The following PHF20 variants were observed in gnomAD, a reference collection of about 807,000 sequenced individuals.
The protein encoded by PHF20 is glioma-expressed antigen 2.
A neutral mutation model predicts 113.5 loss-of-function variants in PHF20; 23 were observed. The ratio of observed to expected loss-of-function variants is 0.20; its 90% CI spans 0.15 to 0.29. The LOEUF is 0.29. Among genes scored for constraint, PHF20 ranks in the 10% least tolerant of loss-of-function variants. The pLI is 1.00. For synonymous variants in PHF20, 434 were observed against 457.3 expected (o/e 0.95, Z 0.65); for missense variants, 943 against 1,219.6 (o/e 0.77, Z 3.38).
intron 1 of PHF20, among the ~76,000 whole-genome samples, chr20:35,784,708 A>G (rs987245263): frequency 2.6e-5 from 4 of 152,048 alleles, no homozygotes; most frequent in African/African-American, 7.2e-5. Context: ...AAGTATTGGG[A>G]TTACAGGCAT....
At chr20:35,786,430 G>A (rs1381978133) in intron 1 of PHF20, among the ~76,000 whole-genome samples, 1 of 151,950 alleles carries the variant, frequency 6.6e-6, no homozygotes, top group African/African-American at 2.4e-5. Context: ...TAGGCTGTGA[G>A]CAGTGGCTCA....
Position 35,847,341 on chromosome 20 carries a change from G to GT in PHF20, c.256-3dup. ...AACAGGATCTTTTTTTTTTTTTTAT[G>GT]TTTTTTAGGAATTTCAAATAAATGA... is the stretch of plus-strand genomic sequence containing the variant. On this transcript the variant is annotated splice_polypyrimidine_tract_variant and intron_variant, in intron 3 of 17. Transcript: ENST00000374012. 1.3e-6 allele frequency: 2 copies of GT among 1,486,194 alleles called. No homozygotes were observed. Among genetic ancestry groups the GT allele is most frequent in the Non-Finnish European group, 1.8e-6 (2 of 1,092,016 alleles). The allele number at this position is 1,486,194 out of a possible 1,614,324, so 92.1% of individuals were successfully genotyped here.
chr20:35,915,114 G>A (rs956035590), intron 12 of PHF20, among the ~76,000 whole-genome samples: 2 of 148,678 alleles, frequency 1.3e-5, no homozygotes, highest in Non-Finnish European at 3.0e-5. Context: ...AACCTAATAT[G>A]GGCCCTGGAA....
At chr20:35,852,412 C>G (rs1464965581) in intron 4 of PHF20, among the ~76,000 whole-genome samples, 1 of 152,074 alleles carries the variant, frequency 6.6e-6, no homozygotes, top group African/African-American at 2.4e-5. Flanking sequence ...TGCCTTTGCT[C>G]TGGACTCTTT....
chr20:35,845,393 TC>T (rs2042605664), intron 3 of PHF20: 1 of 399,968 alleles, frequency 2.5e-6, no homozygotes, highest in African/African-American at 2.1e-5. Flanking sequence ...AGAGACGTTT[TC>T]TTGCTCTGTC....
At chr20:35,859,387 A>G (rs2054174917) in intron 5 of PHF20, among the ~76,000 whole-genome samples, 1 of 152,178 alleles carries the variant, frequency 6.6e-6, no homozygotes, top group African/African-American at 2.4e-5. Flanking sequence ...TCTTTTTAAA[A>G]ATCCTGATTA....
At chr20:35,927,457 C>G (rs1250836421) in intron 13 of PHF20, among the ~76,000 whole-genome samples, 1 of 152,230 alleles carries the variant, frequency 6.6e-6, no homozygotes, top group Non-Finnish European at 1.5e-5. Flanking sequence ...GAGAACTAAC[C>G]TGTGCAAAGT....
chr20:35,875,303 CAGG>C (rs2054500106), intron 9 of PHF20, among the ~76,000 whole-genome samples: 2 of 151,374 alleles, frequency 1.3e-5, no homozygotes, highest in African/African-American at 4.9e-5. Context: ...GAGATTGAGA[CAGG>C]AGAATTGCTT....
intron 15 of PHF20, among the ~76,000 whole-genome samples, chr20:35,938,143 A>G (rs1415641817): frequency 6.6e-6 from 1 of 152,028 alleles, no homozygotes; most frequent in Non-Finnish European, 1.5e-5. Flanking sequence ...AAGTGCTGGG[A>G]TTACAGGTGT....
intron 17 of PHF20, among the ~76,000 whole-genome samples, chr20:35,943,669 G>C (rs557166763): frequency 6.6e-6 from 1 of 152,118 alleles, no homozygotes; most frequent in South Asian, 2.1e-4. Context: ...TGCCCAGGCT[G>C]GAGTGCAGTG....
In PHF20 at chr20:35,931,358, G is replaced by A; in HGVS notation, c.2214G>A (p.Lys738=). Residue 738 remains lysine, a synonymous_variant, in exon 15 of 18, where the codon AAG becomes AAA. Transcript: ENST00000374012. The part of the protein sequence containing the change: ...EENYSHQNAK[K]IVATHQLLGD... ...ACTACTCCCATCAGAATGCCAAGAA[G>A]ATCGTGGCCACCCACCAGCTTCTTG... 1 of 1,614,116 alleles carries A rather than the reference G, an allele frequency of 6.2e-7. No individual in the cohort carries two copies. The highest frequency in any genetic ancestry group is 1.1e-5 in the South Asian group (1 of 91,084).
In PHF20 at chr20:35,899,594, G is replaced by C; in HGVS notation, c.1507G>C (p.Asp503His). 6.2e-7 allele frequency: 1 copy of C among 1,614,164 alleles called. No homozygotes were observed. The highest frequency in any genetic ancestry group is 8.5e-7 in the Non-Finnish European group (1 of 1,180,026). Residue 503 changes from aspartate to histidine, a missense_variant, in exon 10 of 18, where the codon GAC becomes CAC. Asp to His is a moderately conservative substitution (Grantham distance 81). This residue lies in a region of PHF20 where 592 missense variants were observed against 787.2 expected (regional missense o/e 0.75). Transcript: ENST00000374012. The stretch of plus-strand genomic sequence containing the variant: ...CCAAACCAGGGGCCCTTCAGCTTCA[G>C]ACAAGCCCAGCCAGGAGACCCTGAC... ...HVQTRGPSASDKPSQETLTRK... is the reference protein window; with the variant it reads ...HVQTRGPSASHKPSQETLTRK...
chr20:35,776,131 A>G lies in PHF20; in HGVS notation c.-33+4052A>G, dbSNP rs559631847. ...GCTATTGCCAAATTTAAATGGTTAC[A>G]TATTTCTTACTTGAATGTGAACATA... On this transcript the variant is annotated intron_variant, in intron 1 of 17. Coordinates refer to ENST00000374012, the MANE Select transcript of PHF20 (RefSeq NM_016436.5). 2.6e-4 allele frequency among the ~76,000 whole-genome samples: 40 copies of G among 152,300 alleles called. 1 individual carries two copies. The South Asian group carries it at 4.1e-3, about 16-fold the overall frequency.
chr20:35,923,470 T>C (rs2055559531), intron 13 of PHF20, among the ~76,000 whole-genome samples: 1 of 152,102 alleles, frequency 6.6e-6, no homozygotes, highest in South Asian at 2.1e-4. Context: ...TAAATAAAAA[T>C]TTAAACAAAG....
rs74998216 is a variant in PHF20, at chr20:35,841,198, A to G, written c.84-1375A>G. ...CATCTCTACAAAAAATACAAAAATT[A>G]GCACTGTATGGTGGTGTGTGCCTGT... On this transcript the variant is annotated intron_variant, in intron 2 of 17. Transcript: ENST00000374012. Among the ~76,000 whole-genome samples the G allele has an allele frequency of 9.6e-3, 1,461 of 152,034 alleles. 16 individuals carry two copies. Among genetic ancestry groups the G allele is most frequent in the East Asian group, 0.039 (200 of 5,130 alleles).
intron 9 of PHF20, among the ~76,000 whole-genome samples, chr20:35,892,574 C>T (rs2147041889): frequency 6.6e-6 from 1 of 152,214 alleles, no homozygotes; most frequent in Non-Finnish European, 1.5e-5. Context: ...TTAACATAAA[C>T]ATTTTATTCA....
chr20:35,785,168 T>G (rs1235655295), intron 1 of PHF20, among the ~76,000 whole-genome samples: 1 of 152,158 alleles, frequency 6.6e-6, no homozygotes, highest in Admixed American at 6.6e-5. Flanking sequence ...TACTCCTTCG[T>G]AAAATACTGC....
At chr20:35,858,236 A>G (rs1459613084) in intron 4 of PHF20, 66 bp from the exon 5 acceptor site, 1 of 836,802 alleles carries the variant, frequency 1.2e-6, no homozygotes, top group African/African-American at 1.7e-5. Context: ...TTGTGTTTAT[A>G]CTTTGAAAAG....
At chr20:35,796,657 A>C (rs527548094) in intron 1 of PHF20, among the ~76,000 whole-genome samples, 13 of 152,334 alleles carry the variant, frequency 8.5e-5, no homozygotes, top group African/African-American at 2.6e-4. Flanking sequence ...TTGACACAAC[A>C]TTTGAAAAGC....
Sources: gnomAD v4.1 joint callset for allele counts (sites outside exome capture counted in the v4.1 genomes callset) on GRCh38, gnomAD v4.1.1 for gene constraint, gnomAD v4.1.1 regional missense constraint, MANE v1.5 for transcripts, NCBI Gene and HGNC (gene_info 2026-07-23, HGNC 2026-07-21) for gene names.